LMO3: variants seen among roughly 807,000 people sequenced by gnomAD.
The protein encoded by LMO3 is LIM domain only 3, also known as LIM domain only protein 3.
A neutral mutation model predicts 15.8 loss-of-function variants in LMO3; 2 were observed. The observed-to-expected ratio is 0.13, with a 90% CI of 0.05 to 0.40. LMO3 has a LOEUF of 0.40. LMO3 is among the 10% of genes least tolerant of loss of function. The probability of loss-of-function intolerance (pLI) is 0.99; values close to 1 mark genes in which losing one functional copy is unlikely to be tolerated. For synonymous variants in LMO3, 62 were observed against 63.8 expected, an observed-to-expected ratio of 0.97 and a Z score of 0.13; for missense variants, 86 against 182.2, an observed-to-expected ratio of 0.47 and a Z score of 3.04.
At position 16,597,361 on chromosome 12, in the gene LMO3, T is replaced by C. The variant is rs1943691343; in HGVS notation, c.206+3294A>G. Reference sequence around the variant, plus strand: ...GAAAATATCTTACAGTCTAAATTATTATATTTTCATATTATTTAATATCTC... The same window carrying C: ...GAAAATATCTTACAGTCTAAATTATCATATTTTCATATTATTTAATATCTC... On this transcript the variant is annotated intron_variant, in intron 2 of 3. Coordinates refer to ENST00000537304, the MANE Select transcript of LMO3 (RefSeq NM_018640.5). This position sits in a 1 kb window ranked among gnomAD's most constrained non-coding sequence, Gnocchi z 5.0. Among the ~76,000 whole-genome samples the C allele has an allele frequency of 6.6e-6, 1 of 151,772 alleles. No homozygotes were observed. The highest frequency in any genetic ancestry group is 2.4e-5 in the African/African-American group (1 of 41,412).
At chr12:16,600,369 C>A in intron 2 of LMO3, 2 of 213,794 alleles carry the variant, frequency 9.4e-6, no homozygotes, top group Non-Finnish European at 1.8e-5. Context: ...CGACCAAATA[C>A]ATCCTTGACA....
At chr12:16,605,436 G>GGCCCCCCCCCC (rs1943957949) in intron 1 of LMO3, 3 of 372,616 alleles carry the variant, frequency 8.1e-6, no homozygotes, top group Non-Finnish European at 6.6e-6. Context: ...CTACCCGCCT[G>GGCCCCCCCCCC]CCCCCCCCCC....
upstream of LMO3, chr12:16,608,360 C>T (rs1439104047): frequency 1.3e-5 from 2 of 152,110 alleles, no homozygotes; most frequent in African/African-American, 4.8e-5. This position sits in a 1 kb window ranked among gnomAD's most constrained non-coding sequence, Gnocchi z 4.1. Flanking sequence ...TGATCTGTTA[C>T]CCCTCGCTGG....
chr12:16,584,312 C>T lies in LMO3; in HGVS notation c.206+16343G>A, dbSNP rs1943252188. ...ATTTACATGAGTAAGTAGTACCTTG[C>T]ACCTGTTGACAGCTGAAAGAAAAGT... is the stretch of plus-strand genomic sequence containing the variant. On this transcript the variant is annotated intron_variant, in intron 2 of 3. Coordinates refer to ENST00000537304, the MANE Select transcript of LMO3 (RefSeq NM_018640.5). The surrounding 1 kb of genome is among the most constrained non-coding windows in gnomAD (Gnocchi z 5.2). 6.6e-6 allele frequency among the ~76,000 whole-genome samples: 1 copy of T among 152,100 alleles called. No individual in the cohort carries two copies.
chr12:16,569,401 T>C (rs1311078158), intron 2 of LMO3, among the ~76,000 whole-genome samples: 1 of 152,208 alleles, frequency 6.6e-6, no homozygotes, highest in Admixed American at 6.5e-5. Context: ...AGAATCATCA[T>C]GTCTCTTTCT....
At chr12:16,608,958 G>T (rs1192051442), upstream of LMO3, 1 of 152,128 alleles carries the variant, frequency 6.6e-6, no homozygotes, top group African/African-American at 2.4e-5. The surrounding 1 kb of genome is among the most constrained non-coding windows in gnomAD (Gnocchi z 4.1). Flanking sequence ...GTTTTGTCAT[G>T]AATTAAATTA....
rs1490864857 is a variant in LMO3 at position 16,555,028 on chromosome 12, A to ATACTT, written c.333-3706_333-3702dup. Among the ~76,000 whole-genome samples the ATACTT allele has an allele frequency of 3.9e-5, 6 of 152,300 alleles. No individual in the cohort carries two copies. Among genetic ancestry groups the ATACTT allele is most frequent in the African/African-American group, 1.4e-4 (6 of 41,566 alleles). ...CTTGGGCAAGTTACTTACATTTCCT[A>ATACTT]TACTTTACTTTCCTCATCTGTCAAA... On this transcript the variant is annotated intron_variant, in intron 3 of 3. Coordinates refer to ENST00000537304, the MANE Select transcript of LMO3 (RefSeq NM_018640.5). The surrounding 1 kb of genome is among the most constrained non-coding windows in gnomAD (Gnocchi z 5.5).
rs140024599 is a variant in LMO3, at chr12:16,549,984, A to G, written c.*1238T>C. Reference sequence around the variant, plus strand: ...ACAATGAGAGAGTAAAACACATCAAACTTAAAGTGTTTACTTTTTGAACAT... The same window carrying G: ...ACAATGAGAGAGTAAAACACATCAAGCTTAAAGTGTTTACTTTTTGAACAT... On this transcript the variant is annotated 3_prime_UTR_variant, in exon 4 of 4. Coordinates refer to ENST00000537304, the MANE Select transcript of LMO3 (RefSeq NM_018640.5). 1 of 152,218 alleles carries G rather than the reference A, an allele frequency of 6.6e-6. No individual in the cohort carries two copies. Among genetic ancestry groups the G allele is most frequent in the East Asian group, 1.9e-4 (1 of 5,178 alleles). 9.4% of individuals were successfully genotyped at this position (152,218 alleles called of 1,614,324 possible).
intron 2 of LMO3, among the ~76,000 whole-genome samples, chr12:16,566,039 T>TAA (rs1565488443): frequency 8.1e-5 from 7 of 86,506 alleles, no homozygotes; most frequent in Non-Finnish European, 1.1e-4. Flanking sequence ...TATATATATA[T>TAA]AAAATGGAGT....
chr12:16,609,179 A>C (rs1422284711), upstream of LMO3: 1 of 152,200 alleles, frequency 6.6e-6, no homozygotes, highest in Non-Finnish European at 1.5e-5. Flanking sequence ...GGTTGCCGAC[A>C]ATGAAATATA....
intron 2 of LMO3, among the ~76,000 whole-genome samples, chr12:16,567,958 G>A (rs1048025982): frequency 2.0e-5 from 3 of 152,148 alleles, no homozygotes; most frequent in Non-Finnish European, 2.9e-5. Flanking sequence ...CAACATGGTG[G>A]GGGTAATAAA....
chr12:16,551,260 C>T lies in LMO3; in HGVS notation c.400G>A (p.Gly134Ser). The T allele has an allele frequency of 6.2e-7, 1 of 1,613,090 alleles. No homozygotes were observed. The highest frequency in any genetic ancestry group is 8.5e-7 in the Non-Finnish European group (1 of 1,179,126). ...MILCQTDYEE[G>S]LMKEGYAPQV... ...GGTGCATAACCTTCTTTCATTAAAC[C>T]TTCCTCGTAGTCCGTCTGGCAAAGG... is the stretch of plus-strand genomic sequence containing the variant. The change falls in exon 4 of 4, where the codon GGT (glycine) becomes AGT (serine). Residue 134 changes from glycine (G) to serine (S), a missense_variant. Around this residue, in one of 3 missense-constraint regions of LMO3, gnomAD observed 19 missense variants for 20.0 expected, o/e 0.95. Coordinates refer to ENST00000537304, the MANE Select transcript of LMO3 (RefSeq NM_018640.5).
chr12:16,585,537 C>A lies in LMO3; in HGVS notation c.206+15118G>T, dbSNP rs117358778. On this transcript the variant is annotated intron_variant, in intron 2 of 3. Transcript: ENST00000537304. The surrounding 1 kb of genome is among the most constrained non-coding windows in gnomAD (Gnocchi z 4.7). ...TTGCAGATTAGAAAACTAATTTCATCACAATCTCCCCTTTCCTAAATTCCT... is the reference window on the plus strand; with the variant it reads ...TTGCAGATTAGAAAACTAATTTCATAACAATCTCCCCTTTCCTAAATTCCT... Among the ~76,000 whole-genome samples the A allele has an allele frequency of 6.2e-4, 95 of 152,282 alleles. No individual in the cohort carries two copies. Among genetic ancestry groups the A allele is most frequent in the Non-Finnish European group, 1.1e-3 (78 of 68,016 alleles).
At chr12:16,564,179 A>G (rs1565486853) in intron 2 of LMO3, among the ~76,000 whole-genome samples, 1 of 152,218 alleles carries the variant, frequency 6.6e-6, no homozygotes, top group East Asian at 1.9e-4. Flanking sequence ...ATAAAAATCA[A>G]ACAGACAACT....
intron 2 of LMO3, among the ~76,000 whole-genome samples, chr12:16,562,001 C>T (rs919708494): frequency 1.3e-4 from 20 of 152,124 alleles, no homozygotes; most frequent in African/African-American, 4.3e-4. Flanking sequence ...CTTTAGTATG[C>T]TTATTTTAAG....
At chr12:16,600,310 A>G (rs556671657) in intron 2 of LMO3, 19 of 163,076 alleles carry the variant, frequency 1.2e-4, no homozygotes, top group African/African-American at 1.9e-4. Flanking sequence ...AAAAAAAAAA[A>G]AAAAAGAAAA....
intron 2 of LMO3, chr12:16,573,659 A>AG (rs1942897922): frequency 6.6e-6 from 1 of 152,202 alleles, no homozygotes; most frequent in Admixed American, 6.5e-5. Context: ...GAAATCTCTG[A>AG]GGCTCCCTTC....
chr12:16,598,413 G>A lies in LMO3; in HGVS notation c.206+2242C>T, dbSNP rs917367031. On this transcript the variant is annotated intron_variant, in intron 2 of 3. Coordinates refer to ENST00000537304, the MANE Select transcript of LMO3 (RefSeq NM_018640.5). This position sits in a 1 kb window ranked among gnomAD's most constrained non-coding sequence, Gnocchi z 4.3. ...TTGAAATGTTAACAACCGTTAGGCT[G>A]TTAACATAACAACTGGCCATTAATG... 1 of 152,082 alleles carries A rather than the reference G, an allele frequency of 6.6e-6. No homozygotes were observed. The highest frequency in any genetic ancestry group is 1.5e-5 in the Non-Finnish European group (1 of 67,972). 9.4% of individuals were successfully genotyped at this position (152,082 alleles called of 1,614,324 possible). A position where few individuals can be genotyped will look rare whatever the true frequency, so the allele number is the denominator to read the frequency against.
chr12:16,593,465 TAG>T lies in LMO3; in HGVS notation c.206+7188_206+7189del, dbSNP rs1488740003. On this transcript the variant is annotated intron_variant, in intron 2 of 3. Coordinates refer to ENST00000537304, the MANE Select transcript of LMO3 (RefSeq NM_018640.5). This position sits in a 1 kb window ranked among gnomAD's most constrained non-coding sequence, Gnocchi z 4.2. ...ATTTTAAACTTGTAAAGCCCACAAC[TAG>T]AGATTTTTGCATCAGAAAACACTAA... Among the ~76,000 whole-genome samples, 2 of 151,792 alleles carry T rather than the reference TAG, an allele frequency of 1.3e-5. No individual in the cohort carries two copies. The highest frequency in any genetic ancestry group is 3.0e-5 in the Non-Finnish European group (2 of 67,774).
Sources: allele counts gnomAD v4.1 joint callset (sites outside exome capture counted in the v4.1 genomes callset), GRCh38; gene constraint gnomAD v4.1.1; regional missense constraint gnomAD v4.1.1; non-coding constraint Gnocchi (gnomAD v3.1); transcripts MANE v1.5; gene names NCBI Gene and HGNC (gene_info 2026-07-23, HGNC 2026-07-21).